GALNT18: variants seen among roughly 807,000 people sequenced by gnomAD.
The protein encoded by GALNT18 is polypeptide N-acetylgalactosaminyltransferase 18, also known as GalNAc-transferase 18.
A neutral mutation model predicts 69.5 loss-of-function variants in GALNT18; 44 were observed. The observed-to-expected ratio is 0.63, with a 90% CI of 0.50 to 0.81. The LOEUF is 0.81. Ranked by LOEUF, GALNT18 falls within the 40% of genes least tolerant of loss-of-function variation. GALNT18 has a pLI of 0.00. For synonymous variants in GALNT18, 364 were observed against 318.2 expected (o/e 1.14, Z -1.53); for missense variants, 715 against 810.0 (o/e 0.88, Z 1.42).
intron 9 of GALNT18, among the ~76,000 whole-genome samples, chr11:11,305,882 A>G (rs1849568727): frequency 6.6e-6 from 1 of 152,218 alleles, no homozygotes; most frequent in African/African-American, 2.4e-5. Context: ...GCAATGTGTT[A>G]ATAAATTATT....
chr11:11,405,319 ACTACACTT>A (rs1854565947), intron 3 of GALNT18, among the ~76,000 whole-genome samples: 1 of 152,188 alleles, frequency 6.6e-6, no homozygotes, highest in Admixed American at 6.5e-5. Flanking sequence ...TTTTATTCCC[ACTACACTT>A]ATATTGTTTT....
chr11:11,548,420 A>G (rs1022587772), intron 1 of GALNT18, among the ~76,000 whole-genome samples: 1 of 152,208 alleles, frequency 6.6e-6, no homozygotes, highest in African/African-American at 2.4e-5. Context: ...ACCAAGCACT[A>G]AGACAAAACT....
intron 1 of GALNT18, among the ~76,000 whole-genome samples, chr11:11,567,473 A>C (rs1243672406): frequency 6.6e-6 from 1 of 152,228 alleles, no homozygotes; most frequent in Non-Finnish European, 1.5e-5. Context: ...TGTACAAAAC[A>C]TACAATTTCT....
chr11:11,584,998 TC>T lies in GALNT18; in HGVS notation c.235+36360del, dbSNP rs1182771897. Among the ~76,000 whole-genome samples, 17 of 152,312 alleles carry T rather than the reference TC, an allele frequency of 1.1e-4. No individual in the cohort carries two copies. The highest frequency in any genetic ancestry group is 3.4e-4 in the African/African-American group (14 of 41,570). On this transcript the variant is annotated intron_variant, in intron 1 of 10. Coordinates refer to ENST00000227756, the MANE Select transcript of GALNT18 (RefSeq NM_198516.3). This position sits in a 1 kb window ranked among gnomAD's most constrained non-coding sequence, Gnocchi z 4.1. Reference sequence around the variant, plus strand: ...GACGGCTTCCCAACACCTAAAGACTTCTGATGATATAAATGGTAATATTAAT... The same window carrying T: ...GACGGCTTCCCAACACCTAAAGACTTTGATGATATAAATGGTAATATTAAT...
At chr11:11,407,304 A>C (rs1192146969) in intron 3 of GALNT18, among the ~76,000 whole-genome samples, 1 of 152,244 alleles carries the variant, frequency 6.6e-6, no homozygotes, top group African/African-American at 2.4e-5. Flanking sequence ...CAGACCAGGC[A>C]AAAGGCTGGT....
At chr11:11,359,306 C>T (rs1263147316) in intron 6 of GALNT18, among the ~76,000 whole-genome samples, 2 of 141,182 alleles carry the variant, frequency 1.4e-5, no homozygotes, top group African/African-American at 5.2e-5. Context: ...ACACATTAAC[C>T]TGTACACATT....
intron 6 of GALNT18, among the ~76,000 whole-genome samples, chr11:11,354,037 G>T (rs1221442528): frequency 6.6e-6 from 1 of 152,184 alleles, no homozygotes; most frequent in East Asian, 1.9e-4. Context: ...GCTCAGAAAT[G>T]ATATTTGTTC....
intron 1 of GALNT18, among the ~76,000 whole-genome samples, chr11:11,517,745 C>G (rs543467248): frequency 2.6e-5 from 4 of 152,110 alleles, no homozygotes. Flanking sequence ...CCTTGCTGAG[C>G]CATCTAGGAC....
At chr11:11,271,395 G>T in intron 10 of GALNT18, 105 bp from the exon 11 acceptor site, 2 of 1,213,842 alleles carry the variant, frequency 1.6e-6, no homozygotes, top group Non-Finnish European at 2.4e-6. Context: ...TATCTGTGTG[G>T]CCAGATCCCA....
chr11:11,437,235 T>G (rs1459454234), intron 2 of GALNT18, among the ~76,000 whole-genome samples: 2 of 152,246 alleles, frequency 1.3e-5, no homozygotes, highest in Non-Finnish European at 2.9e-5. Flanking sequence ...CATGCTCATT[T>G]TGAGAACAGG....
intron 10 of GALNT18, 53 bp from the exon 11 acceptor site, chr11:11,271,343 A>C: frequency 1.3e-5 from 20 of 1,579,252 alleles, no homozygotes; most frequent in Non-Finnish European, 1.6e-5. Context: ...AACATGCAGA[A>C]ATTCGGGAGC....
chr11:11,395,997 AG>A (rs769306933), intron 3 of GALNT18, among the ~76,000 whole-genome samples: 4 of 151,810 alleles, frequency 2.6e-5, no homozygotes, highest in African/African-American at 9.7e-5. Context: ...GGGGAGAGGG[AG>A]GGGGGACACA....
At chr11:11,302,923 G>A (rs1160531357) in intron 9 of GALNT18, among the ~76,000 whole-genome samples, 1 of 152,194 alleles carries the variant, frequency 6.6e-6, no homozygotes. Context: ...ACATAGCAAG[G>A]ATGTGGTGAC....
intron 10 of GALNT18, among the ~76,000 whole-genome samples, chr11:11,282,172 CAG>C (rs1181779864): frequency 1.3e-5 from 2 of 151,870 alleles, no homozygotes; most frequent in Non-Finnish European, 2.9e-5. Flanking sequence ...TTTCACTGAA[CAG>C]ACTCTTTCTT....
At chr11:11,554,153 A>G (rs532593137) in intron 1 of GALNT18, among the ~76,000 whole-genome samples, 44 of 152,258 alleles carry the variant, frequency 2.9e-4, no homozygotes, top group African/African-American at 1.0e-3. Context: ...TCAGCAGACC[A>G]GTTAGTACCA....
intron 1 of GALNT18, among the ~76,000 whole-genome samples, chr11:11,503,064 T>C (rs959383617): frequency 6.6e-6 from 1 of 152,182 alleles, no homozygotes; most frequent in African/African-American, 2.4e-5. Flanking sequence ...ACACTGACAG[T>C]CAGATCTCTA....
chr11:11,336,440 G>A (rs1452522378), intron 7 of GALNT18, among the ~76,000 whole-genome samples: 1 of 152,134 alleles, frequency 6.6e-6, no homozygotes, highest in East Asian at 1.9e-4. Context: ...GGGCATAAAC[G>A]ATCACATCAC....
rs529939138 is a variant in GALNT18, at chr11:11,540,110, T to C, written c.235+81249A>G. 1.3e-5 allele frequency among the ~76,000 whole-genome samples: 2 copies of C among 152,338 alleles called. No individual in the cohort carries two copies. The highest frequency in any genetic ancestry group is 4.1e-4 in the South Asian group (2 of 4,828). ...CCATCTCTCTGGGCCTCGGTTTCTT[T>C]TTCTAAAAACTTAAGGCATTGGACT... On this transcript the variant is annotated intron_variant, in intron 1 of 10. Coordinates refer to ENST00000227756, the MANE Select transcript of GALNT18 (RefSeq NM_198516.3). The surrounding 1 kb of genome is among the most constrained non-coding windows in gnomAD (Gnocchi z 4.6).
At chr11:11,290,755 G>C (rs150411233) in intron 10 of GALNT18, among the ~76,000 whole-genome samples, 1 of 152,030 alleles carries the variant, frequency 6.6e-6, no homozygotes, top group Non-Finnish European at 1.5e-5. Context: ...GGTTCCATTC[G>C]TTCCATTCAC....
Sources: allele counts gnomAD v4.1 joint callset (sites outside exome capture counted in the v4.1 genomes callset), GRCh38; gene constraint gnomAD v4.1.1; non-coding constraint Gnocchi (gnomAD v3.1); transcripts MANE v1.5; gene names NCBI Gene and HGNC (gene_info 2026-07-23, HGNC 2026-07-21).